The following AVL9 variants were observed in gnomAD, a reference collection of about 807,000 sequenced individuals.
The protein encoded by AVL9 is AVL9 cell migration associated.
A neutral mutation model predicts 79.2 loss-of-function variants in AVL9; 49 were observed. The observed-to-expected ratio is 0.62, with a 90% CI of 0.49 to 0.79. AVL9 has a LOEUF of 0.79. Ranked by LOEUF, AVL9 falls within the 30% of genes least tolerant of loss-of-function variation. The probability of loss-of-function intolerance (pLI) is 0.00; values close to 1 mark genes in which losing one functional copy is unlikely to be tolerated. For missense variants in AVL9, 682 were observed against 776.8 expected (o/e 0.88, Z 1.45); for synonymous variants, 299 against 280.6 (o/e 1.07, Z -0.65).
chr7:32,518,938 A>G (rs971124920), intron 1 of AVL9, among the ~76,000 whole-genome samples: 1 of 152,232 alleles, frequency 6.6e-6, no homozygotes, highest in South Asian at 2.1e-4. Flanking sequence ...TTTAAATTCA[A>G]TAATCTGTTT....
intron 1 of AVL9, among the ~76,000 whole-genome samples, chr7:32,523,969 G>A (rs1436469841): frequency 4.6e-5 from 7 of 151,542 alleles, no homozygotes; most frequent in Admixed American, 2.6e-4. Flanking sequence ...TCCTGACCTC[G>A]TGATCTGCCC....
chr7:32,551,536 A>C, intron 5 of AVL9, 113 bp downstream of exon 5: 1 of 490,044 alleles, frequency 2.0e-6, no homozygotes, highest in Non-Finnish European at 3.5e-6. Flanking sequence ...AGACATTCTA[A>C]TGTGAAAACG....
At chr7:32,505,029 A>C (rs986329436) in intron 1 of AVL9, among the ~76,000 whole-genome samples, 1 of 151,704 alleles carries the variant, frequency 6.6e-6, no homozygotes, top group African/African-American at 2.4e-5. Flanking sequence ...GTATGCCACC[A>C]TGCCCCGCTA....
At chr7:32,575,089 T>TG (rs1554347104) in intron 12 of AVL9, among the ~76,000 whole-genome samples, 2 of 149,350 alleles carry the variant, frequency 1.3e-5, no homozygotes, top group Non-Finnish European at 3.0e-5. Context: ...TTTAAGACTT[T>TG]TTTTGTTTTG....
intron 14 of AVL9, 36 bp from the exon 15 acceptor site, chr7:32,580,766 G>C (rs1460414015): frequency 1.3e-6 from 2 of 1,509,194 alleles, no homozygotes; most frequent in African/African-American, 2.8e-5. Flanking sequence ...TTTTAAAATT[G>C]TACCTAACAC....
rs1257908833 is a variant in AVL9 at position 32,586,668 on chromosome 7, G to C, written c.*2761G>C. 6.6e-6 allele frequency: 1 copy of C among 152,196 alleles called. No homozygotes were observed. Among genetic ancestry groups the C allele is most frequent in the Non-Finnish European group, 1.5e-5 (1 of 68,062 alleles). The allele number at this position is 152,196 out of a possible 1,614,324, so 9.4% of individuals were successfully genotyped here. The stretch of plus-strand genomic sequence containing the variant: ...TTTTGTGTCTAAGAATTGAGTATTT[G>C]TACCTAGGTGTGAGGGAACCAGGGT... On this transcript the variant is annotated 3_prime_UTR_variant, in exon 16 of 16. Coordinates refer to ENST00000318709, the MANE Select transcript of AVL9 (RefSeq NM_015060.3).
At chr7:32,538,718 T>A (rs1408285662) in intron 1 of AVL9, 3 of 152,182 alleles carry the variant, frequency 2.0e-5, no homozygotes, top group African/African-American at 7.2e-5. Flanking sequence ...AAAATTTTTT[T>A]TGCACAAACG....
chr7:32,514,556 T>C (rs955474470), intron 1 of AVL9, among the ~76,000 whole-genome samples: 1 of 152,190 alleles, frequency 6.6e-6, no homozygotes, highest in Non-Finnish European at 1.5e-5. Flanking sequence ...CCGCCTTAAC[T>C]GATGACATTC....
At chr7:32,560,351 T>A (rs1340166081) in intron 10 of AVL9, among the ~76,000 whole-genome samples, 1 of 151,628 alleles carries the variant, frequency 6.6e-6, no homozygotes, top group Non-Finnish European at 1.5e-5. Flanking sequence ...TTTTAATTTA[T>A]TTAAATATAA....
intron 10 of AVL9, among the ~76,000 whole-genome samples, chr7:32,563,540 A>G (rs893143530): frequency 6.7e-6 from 1 of 149,286 alleles, no homozygotes; most frequent in Non-Finnish European, 1.5e-5. Context: ...CAGACACCAT[A>G]CTAGATTCTG....
intron 8 of AVL9, 32 bp from the exon 9 acceptor site, chr7:32,558,527 T>C: frequency 1.3e-6 from 2 of 1,528,274 alleles, no homozygotes; most frequent in Non-Finnish European, 1.8e-6. Flanking sequence ...TTCATGGGTC[T>C]TCTAATTTGA....
chr7:32,574,183 G>A (rs1331057026), intron 12 of AVL9, among the ~76,000 whole-genome samples: 1 of 152,024 alleles, frequency 6.6e-6, no homozygotes, highest in Non-Finnish European at 1.5e-5. Context: ...ATTTTTAAAT[G>A]TACAGTTCCA....
At chr7:32,568,330 A>G (rs2128147128) in intron 10 of AVL9, among the ~76,000 whole-genome samples, 1 of 151,640 alleles carries the variant, frequency 6.6e-6, no homozygotes, top group African/African-American at 2.4e-5. Context: ...CCTCCCAAGT[A>G]GCTGGGATTA....
chr7:32,540,324 G>C (rs148926261), intron 1 of AVL9, among the ~76,000 whole-genome samples: 49 of 152,324 alleles, frequency 3.2e-4, no homozygotes, highest in Admixed American at 5.9e-4. Flanking sequence ...GGTGGTAAAA[G>C]ATAAATTTTG....
chr7:32,546,350 T>C (rs893866571), intron 3 of AVL9, among the ~76,000 whole-genome samples: 5 of 152,178 alleles, frequency 3.3e-5, no homozygotes, highest in African/African-American at 9.7e-5. Flanking sequence ...AATTCCAGGA[T>C]ACCCAAAGTA....
chr7:32,579,505 TTA>T lies in AVL9; in HGVS notation c.1689-708_1689-707del, dbSNP rs1189374447. On this transcript the variant is annotated intron_variant, in intron 13 of 15. Transcript: ENST00000318709. ...TATATAATATATTACATATTATATA[TTA>T]TATATTATATTATATATTATATATT... Among the ~76,000 whole-genome samples the T allele has an allele frequency of 1.3e-3, 10 of 7,578 alleles. 1 individual carries two copies. Among genetic ancestry groups the T allele is most frequent in the African/African-American group, 5.7e-3 (10 of 1,740 alleles). 5.0% of individuals were successfully genotyped at this position (7,578 alleles called of 152,430 possible).
chr7:32,557,989 G>A (rs1790153548), intron 8 of AVL9, among the ~76,000 whole-genome samples: 1 of 151,628 alleles, frequency 6.6e-6, no homozygotes, highest in Non-Finnish European at 1.5e-5. Context: ...CTGAGTAGCT[G>A]GGATTACAGG....
intron 10 of AVL9, among the ~76,000 whole-genome samples, chr7:32,565,862 G>C (rs979702600): frequency 1.3e-5 from 2 of 151,750 alleles, no homozygotes; most frequent in African/African-American, 4.8e-5. Context: ...ACAAAAATTA[G>C]CTGGGCGTGG....
intron 1 of AVL9, among the ~76,000 whole-genome samples, chr7:32,507,181 C>T (rs907620857): frequency 6.6e-6 from 1 of 151,996 alleles, no homozygotes; most frequent in Non-Finnish European, 1.5e-5. Flanking sequence ...CTTGTCCCTC[C>T]CACCCAGAAT....
Sources: gnomAD v4.1 joint callset for allele counts (sites outside exome capture counted in the v4.1 genomes callset) on GRCh38, gnomAD v4.1.1 for gene constraint, MANE v1.5 for transcripts, NCBI Gene and HGNC (gene_info 2026-07-23, HGNC 2026-07-21) for gene names.